TAB3: variants seen among roughly 807,000 people sequenced by gnomAD.
TAB3 encodes the protein TGF-beta-activated kinase 1 and MAP3K7-binding protein 3.
A neutral mutation model predicts 48.1 loss-of-function variants in TAB3; 18 were observed. The ratio of observed to expected loss-of-function variants is 0.37; its 90% CI spans 0.26 to 0.55. The LOEUF is 0.55. TAB3 is among the 20% of genes least tolerant of loss of function. The pLI is 0.78. For synonymous variants in TAB3, 185 were observed against 190.2 expected, an observed-to-expected ratio of 0.97 and a Z score of 0.22; for missense variants, 414 against 549.8, an observed-to-expected ratio of 0.75 and a Z score of 2.47.
intron 1 of TAB3, among the ~76,000 whole-genome samples, chrX:30,878,917 T>G (rs1939921843): frequency 8.9e-6 from 1 of 111,797 alleles, no homozygotes; most frequent in South Asian, 3.7e-4. Context: ...AATGAAAATA[T>G]TACATCTCAA....
At chrX:30,851,084 A>C (rs773060852) in intron 7 of TAB3, among the ~76,000 whole-genome samples, 10 of 112,431 alleles carry the variant, frequency 8.9e-5, no homozygotes, top group Admixed American at 6.6e-4. Context: ...AAAATGAGGC[A>C]GAAATTTGAT....
At chrX:30,865,407 GTAA>G (rs1443314028) in intron 4 of TAB3, among the ~76,000 whole-genome samples, 1 of 112,456 alleles carries the variant, frequency 8.9e-6, no homozygotes, top group Non-Finnish European at 1.9e-5. Flanking sequence ...GTCTGGTCCA[GTAA>G]TAATTGTTGA....
At chrX:30,856,095 C>T (rs887106089) in intron 5 of TAB3, among the ~76,000 whole-genome samples, 11 of 111,802 alleles carry the variant, frequency 9.8e-5, no homozygotes, top group African/African-American at 3.2e-4. Context: ...TCTAAAGCAG[C>T]CCTCATTTTT....
chrX:30,837,521 T>C (rs949737917), intron 9 of TAB3, among the ~76,000 whole-genome samples: 1 of 111,976 alleles, frequency 8.9e-6, no homozygotes, highest in Non-Finnish European at 1.9e-5. Flanking sequence ...TCAAGTGTTT[T>C]ACCCTTTTTT....
intron 9 of TAB3, among the ~76,000 whole-genome samples, chrX:30,837,238 G>A (rs755338283): frequency 1.8e-5 from 2 of 108,850 alleles, no homozygotes; most frequent in Admixed American, 9.9e-5. Context: ...TAGTAGACAC[G>A]GAGTTTCACC....
chrX:30,863,285 T>G (rs5927632), intron 4 of TAB3, among the ~76,000 whole-genome samples: 56,336 of 111,208 alleles, frequency 0.51, 10,837 homozygotes, highest in Non-Finnish European at 0.62. Context: ...CAAACTTAAT[T>G]TTTTGATAAC....
chrX:30,884,470 C>A (rs963479539), intron 1 of TAB3, among the ~76,000 whole-genome samples: 1 of 110,556 alleles, frequency 9.0e-6, no homozygotes, highest in Non-Finnish European at 1.9e-5. Flanking sequence ...AACATCTGGG[C>A]ATTTTACCCC....
chrX:30,849,983 A>G (rs1938775789), intron 7 of TAB3, among the ~76,000 whole-genome samples: 1 of 112,346 alleles, frequency 8.9e-6, no homozygotes, highest in South Asian at 3.6e-4. Context: ...TGCTTCACAT[A>G]TATTACCTCA....
rs139272751 is a variant in TAB3 at position 30,882,120 on chromosome X, T to G, written c.-383+6994A>C. ...TCAAACTGAAGGCATGTGTGAAAAG[T>G]TAGAGTAACAATGGCACCTGTTACA... On this transcript the variant is annotated intron_variant, in intron 1 of 10. Coordinates refer to ENST00000288422, the MANE Select transcript of TAB3 (RefSeq NM_152787.5). Among the ~76,000 whole-genome samples the G allele has an allele frequency of 4.4e-3, 492 of 111,795 alleles. 5 individuals carry two copies. The highest frequency in any genetic ancestry group is 0.015 in the African/African-American group (469 of 30,807).
chrX:30,854,086 A>G (rs1938965753), intron 6 of TAB3, 30 bp downstream of exon 6: 1 of 1,155,174 alleles, frequency 8.7e-7, no homozygotes, highest in African/African-American at 1.8e-5. Flanking sequence ...CACCACAGAA[A>G]TTAAATTTCA....
chrX:30,887,927 G>A (rs1376061305), intron 1 of TAB3, among the ~76,000 whole-genome samples: 1 of 111,843 alleles, frequency 8.9e-6, no homozygotes, highest in African/African-American at 3.3e-5. Context: ...CTGTCCCTAC[G>A]GTTGTAAAGA....
chrX:30,853,954 C>T (rs890817807), intron 6 of TAB3, among the ~76,000 whole-genome samples, 162 bp downstream of exon 6: 1 of 112,508 alleles, frequency 8.9e-6, no homozygotes, highest in Non-Finnish European at 1.9e-5. Context: ...GGATTACAGG[C>T]GTGAGCCACC....
Position 30,869,050 on chromosome X carries a change from G to A in TAB3, c.-279-1501C>T, listed in dbSNP as rs1470278210. On this transcript the variant is annotated intron_variant, in intron 2 of 10. Coordinates refer to ENST00000288422, the MANE Select transcript of TAB3 (RefSeq NM_152787.5). ...TTTCTACTTTCTGATACAACAATGC[G>A]AAATCCACCCCACATTTTTTTTTTT... Among the ~76,000 whole-genome samples, 7 of 107,906 alleles carry A rather than the reference G, an allele frequency of 6.5e-5. No homozygotes were observed. In the East Asian group the frequency reaches 8.6e-4, roughly 13 times the overall value. The allele number at this position is 107,906 out of a possible 115,157, so 93.7% of individuals were successfully genotyped here. A position where few individuals can be genotyped will look rare whatever the true frequency, so the allele number is the denominator to read the frequency against.
rs1203868872 is a variant in TAB3, at chrX:30,873,456, C to T, written c.-382-1655G>A. ...AGGAGAATGGCGTGAACCCGGGAGGCGGAGCTTGCAGTGAGCGGAGATCGC... is the reference window on the plus strand; with the variant it reads ...AGGAGAATGGCGTGAACCCGGGAGGTGGAGCTTGCAGTGAGCGGAGATCGC... On this transcript the variant is annotated intron_variant, in intron 1 of 10. Coordinates refer to ENST00000288422, the MANE Select transcript of TAB3 (RefSeq NM_152787.5). 1.7e-4 allele frequency among the ~76,000 whole-genome samples: 17 copies of T among 102,778 alleles called. No individual in the cohort carries two copies. The East Asian group carries it at 3.7e-3, about 22-fold the overall frequency. The allele number at this position is 102,778 out of a possible 115,157, so 89.3% of individuals were successfully genotyped here. A position where few individuals can be genotyped will look rare whatever the true frequency, so the allele number is the denominator to read the frequency against.
chrX:30,859,924 T>TAA, intron 4 of TAB3, among the ~76,000 whole-genome samples: 1 of 98,219 alleles, frequency 1.0e-5, no homozygotes, highest in Middle Eastern at 5.1e-3. Flanking sequence ...CTCACCTATT[T>TAA]AAAAAAAAAA....
chrX:30,860,892 C>T (rs775757884), intron 4 of TAB3, among the ~76,000 whole-genome samples: 4 of 111,341 alleles, frequency 3.6e-5, no homozygotes, highest in Non-Finnish European at 5.7e-5. Context: ...TCCTATTTTT[C>T]GGTATTAGAC....
intron 2 of TAB3, among the ~76,000 whole-genome samples, chrX:30,869,274 G>A (rs1430451724): frequency 1.8e-5 from 2 of 111,140 alleles, no homozygotes; most frequent in Non-Finnish European, 3.8e-5. Context: ...TGGCCAGGCT[G>A]GTCTTAAACT....
intron 1 of TAB3, among the ~76,000 whole-genome samples, chrX:30,882,889 T>G (rs954660781): frequency 2.7e-5 from 3 of 111,773 alleles, no homozygotes; most frequent in Non-Finnish European, 5.7e-5. Context: ...ATATAGGAAT[T>G]CTGTACAATC....
chrX:30,850,751 A>G (rs1251689329), intron 7 of TAB3, among the ~76,000 whole-genome samples: 1 of 107,770 alleles, frequency 9.3e-6, no homozygotes, highest in Non-Finnish European at 1.9e-5. Context: ...AGATACATCA[A>G]TAAGAGCTCT....
Sources: allele counts gnomAD v4.1 joint callset (sites outside exome capture counted in the v4.1 genomes callset), GRCh38; gene constraint gnomAD v4.1.1; transcripts MANE v1.5; gene names NCBI Gene and HGNC (gene_info 2026-07-23, HGNC 2026-07-21).